Variants in SORCS1 observed in about 807,000 individuals in gnomAD.
SORCS1 encodes the protein sortilin related VPS10 domain containing receptor 1, also known as VPS10 domain-containing receptor SorCS1.
SORCS1 carries 60 observed loss-of-function variants against 146.1 expected under a neutral mutation model. The observed-to-expected ratio is 0.41, with a 90% CI of 0.33 to 0.51. The LOEUF (loss-of-function observed/expected upper bound fraction) is 0.51. Ranked by LOEUF, SORCS1 falls within the 20% of genes least tolerant of loss-of-function variation. SORCS1 has a pLI of 0.21. For missense variants in SORCS1, 1,352 were observed against 1,487.6 expected (o/e 0.91, Z 1.50); for synonymous variants, 637 against 584.0 (o/e 1.09, Z -1.31).
intron 2 of SORCS1, among the ~76,000 whole-genome samples, chr10:106,843,490 G>GGC (rs1404216137): frequency 7.0e-6 from 1 of 141,906 alleles, no homozygotes; most frequent in Admixed American, 7.4e-5. Context: ...AGAGTGCAGT[G>GGC]GCGCGATCTC....
intron 8 of SORCS1, among the ~76,000 whole-genome samples, chr10:106,701,365 A>C (rs1182213965): frequency 6.6e-6 from 1 of 152,174 alleles, no homozygotes; most frequent in Non-Finnish European, 1.5e-5. Context: ...CGGCTTTCAG[A>C]ATATTCCATT....
At chr10:106,642,354 G>T (rs1019566730) in intron 18 of SORCS1, among the ~76,000 whole-genome samples, 1 of 152,130 alleles carries the variant, frequency 6.6e-6, no homozygotes, top group African/African-American at 2.4e-5. Flanking sequence ...GAACCTAGCA[G>T]GGACCTCTAG....
intron 1 of SORCS1, among the ~76,000 whole-genome samples, chr10:106,993,435 G>C (rs1353780129): frequency 6.6e-6 from 1 of 152,164 alleles, no homozygotes; most frequent in Non-Finnish European, 1.5e-5. Flanking sequence ...TGAGAAAATT[G>C]AGTAGCAAAG....
chr10:107,035,454 C>T (rs557135563), intron 1 of SORCS1, among the ~76,000 whole-genome samples: 61 of 152,156 alleles, frequency 4.0e-4, no homozygotes, highest in East Asian at 1.9e-3. Context: ...ATTCAAGCAA[C>T]GCCATACCAG....
At chr10:106,617,816 A>T (rs1388404399) in intron 21 of SORCS1, among the ~76,000 whole-genome samples, 1 of 152,212 alleles carries the variant, frequency 6.6e-6, no homozygotes, top group African/African-American at 2.4e-5. Context: ...ATTCAACATT[A>T]GCTATTTTAT....
At chr10:106,788,433 C>CT (rs1946160839) in intron 3 of SORCS1, among the ~76,000 whole-genome samples, 1 of 152,168 alleles carries the variant, frequency 6.6e-6, no homozygotes, top group Non-Finnish European at 1.5e-5. Context: ...TCCCTTCTGC[C>CT]TCTGAGCTTG....
chr10:106,809,008 C>G (rs921400940), intron 3 of SORCS1, among the ~76,000 whole-genome samples: 1 of 152,100 alleles, frequency 6.6e-6, no homozygotes, highest in African/African-American at 2.4e-5. Context: ...AATCTGGAAG[C>G]AGTTGTCCCT....
intron 5 of SORCS1, among the ~76,000 whole-genome samples, chr10:106,736,602 TAA>T (rs10684476): frequency 7.7e-5 from 3 of 38,756 alleles, no homozygotes; most frequent in Admixed American, 3.3e-4. Context: ...TAACCCTGGT[TAA>T]AAAAAAAAAA....
chr10:106,618,291 C>A lies in SORCS1; in HGVS notation c.2797-19G>T, dbSNP rs749195891. Reference sequence around the variant, plus strand: ...TCAAAGGCTAAAATAAACAAGGGCCCAGAGTGAAGGGAAAGCTCTTTAGTT... The same window carrying A: ...TCAAAGGCTAAAATAAACAAGGGCCAAGAGTGAAGGGAAAGCTCTTTAGTT... On this transcript the variant is annotated intron_variant, in intron 20 of 25. Coordinates refer to ENST00000263054, the MANE Select transcript of SORCS1 (RefSeq NM_052918.5). 16 of 1,612,312 alleles carry A rather than the reference C, an allele frequency of 9.9e-6. No individual in the cohort carries two copies. Among genetic ancestry groups the A allele is most frequent in the Non-Finnish European group, 2.5e-6 (3 of 1,179,132 alleles).
chr10:106,639,699 A>G (rs147581697), intron 18 of SORCS1, among the ~76,000 whole-genome samples: 78 of 152,322 alleles, frequency 5.1e-4, no homozygotes, highest in African/African-American at 1.8e-3. Context: ...TCAAATCTCT[A>G]AGGCTCATCG....
intron 9 of SORCS1, among the ~76,000 whole-genome samples, chr10:106,698,943 T>C (rs1013576000): frequency 6.6e-6 from 1 of 152,294 alleles, no homozygotes; most frequent in Non-Finnish European, 1.5e-5. Context: ...AACCCTGTAA[T>C]TGACTGCCTC....
chr10:106,993,158 C>A (rs1389665494), intron 1 of SORCS1, among the ~76,000 whole-genome samples: 6 of 151,538 alleles, frequency 4.0e-5, no homozygotes, highest in African/African-American at 7.3e-5. Context: ...ACAGGGCTTT[C>A]ATGTCAGGTT....
rs370783290 is a variant in SORCS1, at chr10:106,677,336, T to C, written c.1809A>G (p.Thr603=). ...ACCAAAGATGTCGAATTGGGAGAGA[T>C]GTGTGTTTCATAGCAACCAGGACTC... ...QGGVLVAMKH[T]SLPIRHLWLS... The change falls in exon 13 of 26, where the codon ACA becomes ACG. Residue 603 remains threonine, a synonymous_variant. Transcript: ENST00000263054. 7 of 1,613,940 alleles carry C rather than the reference T, an allele frequency of 4.3e-6. No individual in the cohort carries two copies. The highest frequency in any genetic ancestry group is 5.9e-6 in the Non-Finnish European group (7 of 1,179,876).
At chr10:107,021,920 TGTA>T (rs974949124) in intron 1 of SORCS1, among the ~76,000 whole-genome samples, 3 of 152,190 alleles carry the variant, frequency 2.0e-5, no homozygotes, top group African/African-American at 7.2e-5. Context: ...TTAAATAAGA[TGTA>T]GTGATTTAAA....
chr10:106,841,749 T>A (rs1949054547), intron 2 of SORCS1, among the ~76,000 whole-genome samples: 2 of 152,234 alleles, frequency 1.3e-5, no homozygotes, highest in Non-Finnish European at 1.5e-5. Context: ...GCATGCCTTT[T>A]CATGGCTTGA....
chr10:106,674,278 G>A (rs959014380), intron 14 of SORCS1, among the ~76,000 whole-genome samples: 2 of 125,294 alleles, frequency 1.6e-5, no homozygotes, highest in African/African-American at 6.1e-5. Flanking sequence ...GCAATGAGCC[G>A]AGATCATGCC....
At chr10:106,746,908 A>G (rs912859164) in intron 5 of SORCS1, among the ~76,000 whole-genome samples, 1 of 152,206 alleles carries the variant, frequency 6.6e-6, no homozygotes, top group African/African-American at 2.4e-5. Flanking sequence ...CTGATCATAG[A>G]AGGCAATGGA....
chr10:106,765,546 A>G (rs1335932020), intron 4 of SORCS1, among the ~76,000 whole-genome samples: 1 of 152,070 alleles, frequency 6.6e-6, no homozygotes, highest in Non-Finnish European at 1.5e-5. Context: ...CCATCCTCTG[A>G]ATGTCTTTGG....
At chr10:106,910,026 T>C (rs905585077) in intron 2 of SORCS1, among the ~76,000 whole-genome samples, 1 of 152,234 alleles carries the variant, frequency 6.6e-6, no homozygotes, top group African/African-American at 2.4e-5. Context: ...TGGAATTTAA[T>C]AGCCATGCCT....
Sources: gnomAD v4.1 joint callset for allele counts (sites outside exome capture counted in the v4.1 genomes callset) on GRCh38, gnomAD v4.1.1 for gene constraint, MANE v1.5 for transcripts, NCBI Gene and HGNC (gene_info 2026-07-23, HGNC 2026-07-21) for gene names.